EPHA6: variants seen among roughly 807,000 people sequenced by gnomAD.
EPHA6 encodes EPH receptor A6.
Under a neutral mutation model 112.0 loss-of-function variants are expected in EPHA6, and 50 were observed. The observed-to-expected ratio is 0.45, with a 90% confidence interval of 0.36 to 0.56. The LOEUF (loss-of-function observed/expected upper bound fraction) is 0.56, where lower values mean the gene tolerates loss of function less well. EPHA6 is among the 20% of genes least tolerant of loss of function. The pLI, the probability that EPHA6 is intolerant of heterozygous loss-of-function variation, is 0.00. For synonymous variants in EPHA6, 529 were observed against 490.7 expected, an observed-to-expected ratio of 1.08 and a Z score of -1.03; for missense variants, 1,280 against 1,417.4, an observed-to-expected ratio of 0.90 and a Z score of 1.56.
chr3:97,196,813 TC>T (rs2077454826), intron 3 of EPHA6, among the ~76,000 whole-genome samples: 2 of 151,910 alleles, frequency 1.3e-5, no homozygotes, highest in Admixed American at 1.3e-4. Context: ...CTTGCTTCCT[TC>T]CCTTACCCCA....
intron 5 of EPHA6, among the ~76,000 whole-genome samples, chr3:97,372,388 C>T (rs912826518): frequency 6.6e-5 from 10 of 152,112 alleles, no homozygotes; most frequent in African/African-American, 1.9e-4. Context: ...CAAGTTAATA[C>T]GAAGATGTGC....
At chr3:97,700,667 T>C (rs551022194) in intron 14 of EPHA6, among the ~76,000 whole-genome samples, 1 of 152,188 alleles carries the variant, frequency 6.6e-6, no homozygotes, top group South Asian at 2.1e-4. Flanking sequence ...ACCTAGGGTG[T>C]GGGATATGGA....
chr3:97,337,102 C>G (rs1366615830), intron 5 of EPHA6, among the ~76,000 whole-genome samples: 1 of 151,906 alleles, frequency 6.6e-6, no homozygotes, highest in Non-Finnish European at 1.5e-5. Context: ...TTATAAAATA[C>G]AAAGAGAGAG....
At chr3:96,817,724 G>T (rs1017004661) in intron 1 of EPHA6, among the ~76,000 whole-genome samples, 16 of 151,704 alleles carry the variant, frequency 1.1e-4, no homozygotes, top group Non-Finnish European at 2.2e-4. Context: ...CATCCTTCAT[G>T]GCTGAAAAGA....
At chr3:97,390,826 G>C (rs955731074) in intron 5 of EPHA6, among the ~76,000 whole-genome samples, 1 of 151,890 alleles carries the variant, frequency 6.6e-6, no homozygotes, top group African/African-American at 2.4e-5. Context: ...AGAAAGAATG[G>C]GTTTAGAATT....
At chr3:96,871,534 AT>A (rs1453835105) in intron 2 of EPHA6, among the ~76,000 whole-genome samples, 1 of 152,028 alleles carries the variant, frequency 6.6e-6, no homozygotes, top group Non-Finnish European at 1.5e-5. Flanking sequence ...CCACAATTAT[AT>A]TTTTGTGCCT....
intron 6 of EPHA6, among the ~76,000 whole-genome samples, chr3:97,435,160 G>T (rs775263938): frequency 9.2e-5 from 14 of 151,780 alleles, no homozygotes; most frequent in African/African-American, 3.4e-4. Flanking sequence ...GATTTGACTT[G>T]TCAATGAGAA....
At chr3:97,063,653 T>G (rs901897850) in intron 3 of EPHA6, among the ~76,000 whole-genome samples, 2 of 152,130 alleles carry the variant, frequency 1.3e-5, no homozygotes, top group Non-Finnish European at 2.9e-5. Flanking sequence ...GGCACACGTT[T>G]ACCTATGAAA....
chr3:96,865,695 A>C (rs917846852), intron 1 of EPHA6, among the ~76,000 whole-genome samples: 1 of 84,690 alleles, frequency 1.2e-5, no homozygotes, highest in Non-Finnish European at 1.9e-5. Context: ...AAAAACAAAC[A>C]AAAAAAAAAA....
At chr3:97,023,663 T>A (rs1047719085) in intron 3 of EPHA6, among the ~76,000 whole-genome samples, 1 of 152,044 alleles carries the variant, frequency 6.6e-6, no homozygotes, top group Non-Finnish European at 1.5e-5. Context: ...TGTTAAATTT[T>A]TTTTTTTTTA....
chr3:96,975,021 G>A (rs1478280517), intron 2 of EPHA6, among the ~76,000 whole-genome samples: 1 of 152,112 alleles, frequency 6.6e-6, no homozygotes, highest in East Asian at 1.9e-4. Flanking sequence ...ACAGGAGTGA[G>A]GGGCAATCTA....
At chr3:97,310,295 G>A (rs990118463) in intron 5 of EPHA6, among the ~76,000 whole-genome samples, 3 of 151,514 alleles carry the variant, frequency 2.0e-5, no homozygotes, top group African/African-American at 7.3e-5. Flanking sequence ...TGTGAAAGAC[G>A]TTACTGAACA....
rs35415439 is a variant in EPHA6, at chr3:97,311,442, T to TCACACACACACACACA, written c.1606+67173_1606+67188dup. Reference sequence around the variant, plus strand: ...CCAAATCATCATTTGGATTACACTTTCACACACACACACACACACACACAC... The same window carrying TCACACACACACACACA: ...CCAAATCATCATTTGGATTACACTTTCACACACACACACACACACACACACACACACACACACACAC... On this transcript the variant is annotated intron_variant, in intron 5 of 17. Coordinates refer to ENST00000389672, the MANE Select transcript of EPHA6 (RefSeq NM_001080448.3). Among the ~76,000 whole-genome samples the TCACACACACACACACA allele has an allele frequency of 3.9e-4, 56 of 144,154 alleles. 1 individual carries two copies. Among genetic ancestry groups the TCACACACACACACACA allele is most frequent in the African/African-American group, 1.3e-3 (53 of 39,972 alleles). 94.6% of individuals were successfully genotyped at this position (144,154 alleles called of 152,430 possible).
intron 7 of EPHA6, among the ~76,000 whole-genome samples, chr3:97,453,082 A>T (rs2090579198): frequency 6.6e-6 from 1 of 151,828 alleles, no homozygotes; most frequent in Non-Finnish European, 1.5e-5. Context: ...CACTAGCAAG[A>T]TTTATATAAC....
intron 16 of EPHA6, among the ~76,000 whole-genome samples, chr3:97,744,737 A>G (rs1243273157): frequency 1.3e-5 from 2 of 151,984 alleles, no homozygotes; most frequent in Non-Finnish European, 2.9e-5. Context: ...TTACATTTCC[A>G]CTCACCAAAT....
chr3:97,265,842 G>C (rs2079662773), intron 5 of EPHA6, among the ~76,000 whole-genome samples: 1 of 152,226 alleles, frequency 6.6e-6, no homozygotes, highest in African/African-American at 2.4e-5. Flanking sequence ...GCCCACTGCT[G>C]CTATCGGGGT....
chr3:97,543,955 T>G (rs568256796), intron 11 of EPHA6, among the ~76,000 whole-genome samples: 1 of 152,356 alleles, frequency 6.6e-6, no homozygotes, highest in African/African-American at 2.4e-5. Flanking sequence ...TCCTGAGACT[T>G]TGCTGAAGTT....
At chr3:97,213,902 G>T (rs2077951070) in intron 3 of EPHA6, among the ~76,000 whole-genome samples, 1 of 152,008 alleles carries the variant, frequency 6.6e-6, no homozygotes, top group African/African-American at 2.4e-5. Context: ...TATTCAACGG[G>T]AAGTTCATTA....
chr3:97,488,137 A>G (rs534507872), intron 10 of EPHA6, among the ~76,000 whole-genome samples: 1 of 152,174 alleles, frequency 6.6e-6, no homozygotes, highest in African/African-American at 2.4e-5. Flanking sequence ...ACCCTTCTTA[A>G]ATTTGACCTT....
Sources: allele counts gnomAD v4.1 joint callset (sites outside exome capture counted in the v4.1 genomes callset), GRCh38; gene constraint gnomAD v4.1.1; transcripts MANE v1.5; gene names NCBI Gene and HGNC (gene_info 2026-07-23, HGNC 2026-07-21).